CLYBL: variants seen among roughly 807,000 people sequenced by gnomAD.
The protein encoded by CLYBL is citramalyl-CoA lyase, mitochondrial.
CLYBL carries 31 observed loss-of-function variants against 38.9 expected under a neutral mutation model. The ratio of observed to expected loss-of-function variants is 0.80; its 90% CI spans 0.60 to 1.08. The LOEUF (loss-of-function observed/expected upper bound fraction) is 1.08, where lower values mean the gene tolerates loss of function less well. Among genes scored for constraint, CLYBL ranks in the 50% least tolerant of loss-of-function variants. The pLI is 0.00. For missense variants in CLYBL, 434 were observed against 411.6 expected (o/e 1.05, Z -0.47); for synonymous variants, 171 against 158.6 (o/e 1.08, Z -0.59).
chr13:99,787,664 G>A (rs1566327226), intron 2 of CLYBL, among the ~76,000 whole-genome samples: 2 of 152,168 alleles, frequency 1.3e-5, no homozygotes, highest in African/African-American at 4.8e-5. Context: ...TTTGGCTTAG[G>A]ATTGACTTGG....
At chr13:99,716,400 T>TTTTG (rs1566299299) in intron 1 of CLYBL, among the ~76,000 whole-genome samples, 1 of 95,034 alleles carries the variant, frequency 1.1e-5, no homozygotes, top group Admixed American at 9.8e-5. Flanking sequence ...CTTTTCTTTT[T>TTTTG]TTTTTTTTTA....
chr13:99,682,470 A>G (rs1322177181), intron 1 of CLYBL, among the ~76,000 whole-genome samples: 1 of 152,088 alleles, frequency 6.6e-6, no homozygotes, highest in Admixed American at 6.5e-5. Flanking sequence ...ATCTAAACAT[A>G]TATGAACAGA....
intron 1 of CLYBL, among the ~76,000 whole-genome samples, chr13:99,640,886 G>A (rs939780579): frequency 1.3e-5 from 2 of 152,228 alleles, no homozygotes; most frequent in African/African-American, 2.4e-5. Flanking sequence ...CGAATATATG[G>A]TGGACAGTGC....
intron 1 of CLYBL, among the ~76,000 whole-genome samples, chr13:99,610,753 A>G (rs920303408): frequency 2.0e-5 from 3 of 152,056 alleles, no homozygotes; most frequent in African/African-American, 7.2e-5. Context: ...GTGGCCTCCT[A>G]GAGTCTCAGG....
chr13:99,675,159 C>T (rs1013462507), intron 1 of CLYBL, among the ~76,000 whole-genome samples: 5 of 152,088 alleles, frequency 3.3e-5, no homozygotes, highest in African/African-American at 9.7e-5. Context: ...TAATATTCCT[C>T]CTCTTCAGGG....
At chr13:99,768,940 A>G (rs184495906) in intron 1 of CLYBL, among the ~76,000 whole-genome samples, 6 of 152,284 alleles carry the variant, frequency 3.9e-5, no homozygotes, top group Non-Finnish European at 7.4e-5. Context: ...AAAGCAAAAA[A>G]TTAATGGGGG....
intron 1 of CLYBL, among the ~76,000 whole-genome samples, chr13:99,768,186 C>CCTTTTCTTTTTTTTTTTTTTTT (rs1566318728): frequency 1.2e-5 from 1 of 83,950 alleles, no homozygotes; most frequent in African/African-American, 4.5e-5. Context: ...CAAGTCTTTT[C>CCTTTTCTTTTTTTTTTTTTTTT]TTTTTCTTTT....
chr13:99,725,291 G>A (rs1232162209), intron 1 of CLYBL, among the ~76,000 whole-genome samples: 3 of 152,116 alleles, frequency 2.0e-5, no homozygotes, highest in African/African-American at 4.8e-5. Flanking sequence ...AATACCGTGC[G>A]GTTTTTTTAA....
rs561372911 is a variant in CLYBL at position 99,877,571 on chromosome 13, CTTTTTTTTTTTT to C, written c.927+6521_927+6532del. 51 of 214,924 alleles carry C rather than the reference CTTTTTTTTTTTT, an allele frequency of 2.4e-4. 1 individual carries two copies. The highest frequency in any genetic ancestry group is 4.0e-4 in the Non-Finnish European group (49 of 123,052). The allele number at this position is 214,924 out of a possible 1,614,324, so 13.3% of individuals were successfully genotyped here. A position where few individuals can be genotyped will look rare whatever the true frequency, so the allele number is the denominator to read the frequency against. On this transcript the variant is annotated intron_variant, in intron 7 of 8. Transcript: ENST00000339105. Reference sequence around the variant, plus strand: ...GTATTAATTAAAGAATTTTGTAATTCTTTTTTTTTTTTTTTTTTTTTTTAAGACAGTGTCTTG... The same window carrying C: ...GTATTAATTAAAGAATTTTGTAATTCTTTTTTTTTTTAAGACAGTGTCTTG...
chr13:99,672,068 G>T (rs2047573521), intron 1 of CLYBL, among the ~76,000 whole-genome samples: 1 of 152,152 alleles, frequency 6.6e-6, no homozygotes, highest in Non-Finnish European at 1.5e-5. Context: ...TGATGATACA[G>T]TTCCTTTATA....
At chr13:99,698,699 A>C (rs2048016269) in intron 1 of CLYBL, among the ~76,000 whole-genome samples, 1 of 152,224 alleles carries the variant, frequency 6.6e-6, no homozygotes. Context: ...GTAGCTATAA[A>C]GCCCTGGAAG....
Position 99,701,728 on chromosome 13 carries a change from G to A in CLYBL, c.63-71096G>A, listed in dbSNP as rs190145946. On this transcript the variant is annotated intron_variant, in intron 1 of 8. Coordinates refer to ENST00000339105, the MANE Select transcript of CLYBL (RefSeq NM_206808.5). ...CTCACTCTGTCACCCACTCTGGAGAGCAGGGGTGTGATCTCAGCTCACTGC... is the reference window on the plus strand; with the variant it reads ...CTCACTCTGTCACCCACTCTGGAGAACAGGGGTGTGATCTCAGCTCACTGC... Among the ~76,000 whole-genome samples the A allele has an allele frequency of 1.2e-3, 190 of 152,260 alleles. 1 individual carries two copies. Among genetic ancestry groups the A allele is most frequent in the African/African-American group, 4.5e-3 (185 of 41,552 alleles).
chr13:99,618,797 G>C (rs955458814), intron 1 of CLYBL, among the ~76,000 whole-genome samples: 1 of 152,026 alleles, frequency 6.6e-6, no homozygotes, highest in Non-Finnish European at 1.5e-5. Flanking sequence ...CACATACATA[G>C]ACTCACATAT....
intron 9 of CLYBL, among the ~76,000 whole-genome samples, chr13:99,907,567 A>G (rs571941173): frequency 1.2e-4 from 18 of 152,112 alleles, no homozygotes; most frequent in Admixed American, 2.0e-4. Flanking sequence ...CTATACATCA[A>G]TTTTTTTTAA....
intron 1 of CLYBL, among the ~76,000 whole-genome samples, chr13:99,640,654 A>G (rs2047080107): frequency 6.6e-6 from 1 of 152,260 alleles, no homozygotes; most frequent in Non-Finnish European, 1.5e-5. Context: ...TACAGACGCA[A>G]CATGGTTTAA....
At chr13:99,762,810 T>G (rs2049190773) in intron 1 of CLYBL, among the ~76,000 whole-genome samples, 1 of 152,238 alleles carries the variant, frequency 6.6e-6, no homozygotes, top group Non-Finnish European at 1.5e-5. Flanking sequence ...AGAATATCTT[T>G]CCATTTTTTG....
At chr13:99,828,230 T>G (rs753800109) in intron 2 of CLYBL, among the ~76,000 whole-genome samples, 6 of 152,174 alleles carry the variant, frequency 3.9e-5, no homozygotes, top group Admixed American at 6.5e-5. Context: ...GAGCCACAGT[T>G]TCAGCTAAGT....
At chr13:99,741,381 G>C (rs2048752094) in intron 1 of CLYBL, among the ~76,000 whole-genome samples, 1 of 152,212 alleles carries the variant, frequency 6.6e-6, no homozygotes, top group African/African-American at 2.4e-5. Flanking sequence ...CAGGCCACTA[G>C]AAGGAGAGAG....
At chr13:99,892,064 G>A (rs954249086) in intron 8 of CLYBL, 5 of 152,206 alleles carry the variant, frequency 3.3e-5, no homozygotes, top group African/African-American at 1.2e-4. Context: ...CTGTCATCCT[G>A]GGTGAATGCT....
Sources: allele counts gnomAD v4.1 joint callset (sites outside exome capture counted in the v4.1 genomes callset), GRCh38; gene constraint gnomAD v4.1.1; transcripts MANE v1.5; gene names NCBI Gene and HGNC (gene_info 2026-07-23, HGNC 2026-07-21).